CUL1: variants seen among roughly 807,000 people sequenced by gnomAD.
CUL1 encodes cullin-1.
A neutral mutation model predicts 118.0 loss-of-function variants in CUL1; 24 were observed. The observed-to-expected ratio is 0.20, with a 90% CI of 0.15 to 0.29. The LOEUF is 0.29. Ranked by LOEUF, CUL1 falls within the 10% of genes least tolerant of loss-of-function variation. CUL1 has a pLI of 1.00. For synonymous variants in CUL1, 332 were observed against 340.4 expected, an observed-to-expected ratio of 0.98 and a Z score of 0.27; for missense variants, 361 against 933.8, an observed-to-expected ratio of 0.39 and a Z score of 7.99.
intron 9 of CUL1, chr7:148,783,457 G>C (rs771977991): frequency 2.0e-5 from 24 of 1,210,290 alleles, no homozygotes; most frequent in Non-Finnish European, 2.5e-5. Flanking sequence ...TGTTTAACAA[G>C]GAGGAATTGG....
At chr7:148,749,715 G>T (rs1027760804) in intron 2 of CUL1, among the ~76,000 whole-genome samples, 30 of 152,150 alleles carry the variant, frequency 2.0e-4, no homozygotes, top group African/African-American at 6.3e-4. Context: ...AATGGCTTCA[G>T]AGTGTTCAAG....
At position 148,798,669 on chromosome 7, in the gene CUL1, C is replaced by A. The variant is rs2129463881; in HGVS notation, c.2128C>A (p.Leu710Met). 6.2e-7 allele frequency: 1 copy of A among 1,613,682 alleles called. No individual in the cohort carries two copies. Among genetic ancestry groups the A allele is most frequent in the South Asian group, 1.1e-5 (1 of 91,076 alleles). Residue 710 changes from leucine to methionine, a missense_variant, in exon 20 of 22, where the codon CTG (leucine) becomes ATG (methionine). By Grantham distance (15) the Leu-to-Met change is conservative (BLOSUM62 2). Around this residue, in one of 7 missense-constraint regions of CUL1, gnomAD observed 24 missense variants for 126.7 expected, o/e 0.19. Transcript: ENST00000325222. ...HKNIEEDRKL[L>M]IQAAIVRIMK... ...AAACATCGAGGAAGACCGCAAACTA[C>A]TGATTCAGGTGACTTATCTGTATGC...
At chr7:148,699,681 C>T (rs1450663093) in intron 1 of CUL1, among the ~76,000 whole-genome samples, 1 of 152,014 alleles carries the variant, frequency 6.6e-6, no homozygotes, top group African/African-American at 2.4e-5. Context: ...GCCCTTTTGC[C>T]CCGTTCTCCT....
chr7:148,724,077 G>A (rs1236025147), intron 1 of CUL1, among the ~76,000 whole-genome samples: 3 of 152,192 alleles, frequency 2.0e-5, no homozygotes, highest in African/African-American at 7.2e-5. Flanking sequence ...ACTGTTGTAA[G>A]TGCTCTTTTT....
intron 3 of CUL1, among the ~76,000 whole-genome samples, chr7:148,756,138 G>A (rs1799649559): frequency 6.6e-6 from 1 of 152,070 alleles, no homozygotes; most frequent in South Asian, 2.1e-4. Flanking sequence ...GTGGAAATCT[G>A]GATAAAAATA....
At chr7:148,774,122 CAA>C (rs1227556982) in intron 9 of CUL1, among the ~76,000 whole-genome samples, 8 of 152,138 alleles carry the variant, frequency 5.3e-5, no homozygotes, top group African/African-American at 1.9e-4. Flanking sequence ...ATATAATTCT[CAA>C]AGTGTGTGCA....
chr7:148,722,885 G>A (rs866945286), intron 1 of CUL1, among the ~76,000 whole-genome samples: 3 of 152,354 alleles, frequency 2.0e-5, no homozygotes, highest in African/African-American at 7.2e-5. Context: ...AGAGGACGAG[G>A]CACATGAGCC....
chr7:148,789,705 A>C, intron 14 of CUL1, 45 bp from the exon 15 acceptor site: 1 of 1,462,480 alleles, frequency 6.8e-7, no homozygotes, highest in Non-Finnish European at 9.6e-7. Flanking sequence ...TAAACTAATT[A>C]ATGTATTCCA....
At chr7:148,699,421 G>A (rs979746276) in intron 1 of CUL1, among the ~76,000 whole-genome samples, 1 of 152,018 alleles carries the variant, frequency 6.6e-6, no homozygotes, top group African/African-American at 2.4e-5. Context: ...GGGGCGGCTC[G>A]GGCGTCCGCG....
At chr7:148,794,046 T>C (rs1801104271) in intron 17 of CUL1, among the ~76,000 whole-genome samples, 2 of 152,204 alleles carry the variant, frequency 1.3e-5, no homozygotes, top group Non-Finnish European at 2.9e-5. Flanking sequence ...TATATCTTCT[T>C]TGGAGAAATG....
At position 148,799,399 on chromosome 7, in the gene CUL1, T is replaced by G; in HGVS notation, c.2250+11T>G. 6.6e-7 allele frequency: 1 copy of G among 1,521,954 alleles called. No individual in the cohort carries two copies. Among genetic ancestry groups the G allele is most frequent in the Non-Finnish European group, 9.1e-7 (1 of 1,098,198 alleles). The allele number at this position is 1,521,954 out of a possible 1,614,324, so 94.3% of individuals were successfully genotyped here. On this transcript the variant is annotated intron_variant, in intron 21 of 21. Transcript: ENST00000325222. ...GTCCCTGTGATCAAGGTACAGGACTTTACATAGCAGTCACATTCCTTTCTT... is the reference window on the plus strand; with the variant it reads ...GTCCCTGTGATCAAGGTACAGGACTGTACATAGCAGTCACATTCCTTTCTT...
intron 4 of CUL1, among the ~76,000 whole-genome samples, chr7:148,757,513 G>A (rs1321931414): frequency 6.6e-6 from 1 of 152,220 alleles, no homozygotes. Context: ...GGCGAGCCCT[G>A]AGGATTAGCC....
Position 148,782,328 on chromosome 7 carries a change from A to T in CUL1, c.1084-1455A>T, listed in dbSNP as rs932434094. Among the ~76,000 whole-genome samples the T allele has an allele frequency of 7.9e-5, 12 of 152,240 alleles. No individual in the cohort carries two copies. In the East Asian group the frequency reaches 2.3e-3, roughly 29 times the overall value. On this transcript the variant is annotated intron_variant, in intron 9 of 21. Transcript: ENST00000325222. ...GAGGTGCTTTTGGTTCACTCTGAAGATTAAGACCATCCAGGCAAAGTGGAA... is the reference window on the plus strand; with the variant it reads ...GAGGTGCTTTTGGTTCACTCTGAAGTTTAAGACCATCCAGGCAAAGTGGAA...
intron 9 of CUL1, among the ~76,000 whole-genome samples, chr7:148,769,269 AGCAGTGATGACT>A (rs1224221392): frequency 6.6e-6 from 1 of 152,212 alleles, no homozygotes; most frequent in Non-Finnish European, 1.5e-5. Flanking sequence ...ATAATTGCTC[AGCAGTGATGACT>A]GCTGCACGTT....
chr7:148,776,051 G>T (rs200131911), intron 9 of CUL1, among the ~76,000 whole-genome samples: 1 of 151,610 alleles, frequency 6.6e-6, no homozygotes, highest in African/African-American at 2.4e-5. Context: ...TAAATATCCG[G>T]TCAACTGCTA....
chr7:148,715,036 G>GT (rs1347279326), intron 1 of CUL1, among the ~76,000 whole-genome samples: 1 of 152,130 alleles, frequency 6.6e-6, no homozygotes, highest in African/African-American at 2.4e-5. Flanking sequence ...TTTGAATAAG[G>GT]TATGTGGTTT....
At chr7:148,796,419 G>A (rs558735846) in intron 17 of CUL1, among the ~76,000 whole-genome samples, 5 of 152,142 alleles carry the variant, frequency 3.3e-5, no homozygotes, top group Non-Finnish European at 7.3e-5. Flanking sequence ...TTGCTCCATT[G>A]TTTTCTCAAG....
rs1249684580 is a variant in CUL1, at chr7:148,725,247, A to ACACACACACACACACC, written c.-161-4714_-161-4713insACACACACACACACCC. Among the ~76,000 whole-genome samples, 38 of 151,046 alleles carry ACACACACACACACACC rather than the reference A, an allele frequency of 2.5e-4. No individual in the cohort carries two copies. The South Asian group carries it at 4.7e-3, about 19-fold the overall frequency. ...CACACACACACACACACACACACAC[A>ACACACACACACACACC]CCCGTACCCCTCTAAACTGGAAAAC... On this transcript the variant is annotated intron_variant, in intron 1 of 21. Coordinates refer to ENST00000325222, the MANE Select transcript of CUL1 (RefSeq NM_003592.3).
chr7:148,779,604 G>T (rs1800543226), intron 9 of CUL1, among the ~76,000 whole-genome samples: 1 of 152,210 alleles, frequency 6.6e-6, no homozygotes, highest in Non-Finnish European at 1.5e-5. Flanking sequence ...CTGTATTGAT[G>T]ATATTGGCTT....
Sources: gnomAD v4.1 joint callset for allele counts (sites outside exome capture counted in the v4.1 genomes callset) on GRCh38, gnomAD v4.1.1 for gene constraint, gnomAD v4.1.1 regional missense constraint, MANE v1.5 for transcripts, NCBI Gene and HGNC (gene_info 2026-07-23, HGNC 2026-07-21) for gene names.